The following DPYD variants were observed in gnomAD, a reference collection of about 807,000 sequenced individuals.
DPYD encodes dihydropyrimidine dehydrogenase, also known as dihydropyrimidine dehydrogenase [NADP(+)].
A neutral mutation model predicts 116.2 loss-of-function variants in DPYD; 109 were observed. The ratio of observed to expected loss-of-function variants is 0.94; its 90% CI spans 0.80 to 1.10. The LOEUF (loss-of-function observed/expected upper bound fraction) is 1.10, where lower values mean the gene tolerates loss of function less well. Among genes scored for constraint, DPYD ranks in the 50% least tolerant of loss-of-function variants. The pLI is 0.00. For synonymous variants in DPYD, 440 were observed against 432.0 expected (o/e 1.02, Z -0.23); for missense variants, 1,302 against 1,254.5 (o/e 1.04, Z -0.57).
intron 20 of DPYD, among the ~76,000 whole-genome samples, chr1:97,145,432 A>G (rs1654545163): frequency 6.6e-6 from 1 of 152,144 alleles, no homozygotes; most frequent in Non-Finnish European, 1.5e-5. Flanking sequence ...ATTCATTCCA[A>G]GTTCGTTCCA....
intron 10 of DPYD, among the ~76,000 whole-genome samples, chr1:97,590,272 C>G (rs144982451): frequency 2.5e-4 from 38 of 152,282 alleles, no homozygotes; most frequent in Non-Finnish European, 5.0e-4. Context: ...ATTATTCCAT[C>G]TCTCCAAGAA....
intron 22 of DPYD, 152 bp from the exon 23 acceptor site, chr1:97,079,298 T>C: frequency 1.3e-6 from 1 of 762,380 alleles, no homozygotes; most frequent in Non-Finnish European, 2.3e-6. Context: ...ACAGTTGAGC[T>C]GACAGAGGAG....
At chr1:97,853,292 T>C (rs376455511) in intron 2 of DPYD, among the ~76,000 whole-genome samples, 83 of 152,382 alleles carry the variant, frequency 5.4e-4, no homozygotes, top group African/African-American at 1.9e-3. Context: ...AAATCAATCC[T>C]TCAGAAACTT....
At chr1:97,395,607 G>T (rs1276949823) in intron 14 of DPYD, among the ~76,000 whole-genome samples, 1 of 151,972 alleles carries the variant, frequency 6.6e-6, no homozygotes, top group Non-Finnish European at 1.5e-5. Flanking sequence ...ACCCTCTCGT[G>T]GTAGATTGTT....
intron 12 of DPYD, among the ~76,000 whole-genome samples, chr1:97,538,021 C>A (rs980251444): frequency 6.7e-6 from 1 of 149,628 alleles, no homozygotes; most frequent in East Asian, 2.0e-4. Flanking sequence ...GAGCCAAGAT[C>A]GTGCCATTGC....
At chr1:97,730,230 G>A (rs923043649) in intron 4 of DPYD, among the ~76,000 whole-genome samples, 3 of 151,762 alleles carry the variant, frequency 2.0e-5, no homozygotes, top group Non-Finnish European at 2.9e-5. Flanking sequence ...ACTACTTATC[G>A]TCTTCTTTTT....
intron 2 of DPYD, among the ~76,000 whole-genome samples, chr1:97,861,469 A>T (rs1189503772): frequency 6.6e-6 from 1 of 152,014 alleles, no homozygotes; most frequent in African/African-American, 2.4e-5. Context: ...TCAAAATTTA[A>T]AAAGAGTGAA....
intron 3 of DPYD, among the ~76,000 whole-genome samples, chr1:97,754,325 T>A (rs1557935628): frequency 6.6e-6 from 1 of 152,118 alleles, no homozygotes; most frequent in African/African-American, 2.4e-5. Flanking sequence ...TCAATAAAAT[T>A]AGCTGTCTAC....
intron 20 of DPYD, among the ~76,000 whole-genome samples, chr1:97,130,624 C>T (rs564039522): frequency 2.6e-5 from 4 of 152,194 alleles, no homozygotes; most frequent in African/African-American, 7.2e-5. Context: ...CTAATTCCTA[C>T]CATCTGATCT....
intron 8 of DPYD, among the ~76,000 whole-genome samples, chr1:97,606,233 T>C (rs1359367975): frequency 6.6e-6 from 1 of 152,066 alleles, no homozygotes; most frequent in African/African-American, 2.4e-5. Context: ...CTAAACACCA[T>C]ATTAGGTGAT....
At chr1:97,631,631 A>G (rs1180904449) in intron 8 of DPYD, among the ~76,000 whole-genome samples, 1 of 152,148 alleles carries the variant, frequency 6.6e-6, no homozygotes, top group African/African-American at 2.4e-5. Flanking sequence ...ATATAAAAAT[A>G]TATATGAATT....
rs1389277175 is a variant in DPYD, at chr1:97,721,513, A to C, written c.480T>G (p.Thr160=). The change falls in exon 5 of 23, where the codon ACT becomes ACG. Residue 160 remains threonine, a synonymous_variant. Transcript: ENST00000370192. ...INIGGLQQFA[T]EVFKAMSIPQ... ...GTCACGTGTATATCATACATACCTC[A>C]GTAGCAAATTGCTGCAATCCACCAA... 33 of 1,611,186 alleles carry C rather than the reference A, an allele frequency of 2.0e-5. No homozygotes were observed. The highest frequency in any genetic ancestry group is 2.5e-5 in the Non-Finnish European group (30 of 1,178,022).
chr1:97,345,849 T>C (rs1041615478), intron 16 of DPYD, among the ~76,000 whole-genome samples: 1 of 151,950 alleles, frequency 6.6e-6, no homozygotes, highest in African/African-American at 2.4e-5. Context: ...ACCTGCCTAA[T>C]AGAAGTACAC....
rs17116439 is a variant in DPYD, at chr1:97,123,691, T to C, written c.2623-25059A>G. Among the ~76,000 whole-genome samples, 1,308 of 152,292 alleles carry C rather than the reference T, an allele frequency of 8.6e-3. 24 individuals are homozygous for C. Among genetic ancestry groups the C allele is most frequent in the African/African-American group, 0.03 (1,229 of 41,570 alleles). On this transcript the variant is annotated intron_variant, in intron 20 of 22. Coordinates refer to ENST00000370192, the MANE Select transcript of DPYD (RefSeq NM_000110.4). ...ACATGGACACATATATATGAATGCA[T>C]ATCAACATTTACTTTTGGTTTTAAT...
intron 20 of DPYD, among the ~76,000 whole-genome samples, chr1:97,144,852 T>C (rs749309673): frequency 4.7e-4 from 72 of 152,236 alleles, no homozygotes; most frequent in Non-Finnish European, 9.7e-4. Flanking sequence ...CAAATCACTT[T>C]CTTATGCACA....
intron 8 of DPYD, among the ~76,000 whole-genome samples, chr1:97,620,905 C>T (rs933979856): frequency 6.6e-6 from 1 of 152,088 alleles, no homozygotes. Flanking sequence ...TTAGATAATG[C>T]TTTCATCCTC....
chr1:97,841,896 T>C (rs4414075), intron 2 of DPYD, among the ~76,000 whole-genome samples: 12,666 of 152,008 alleles, frequency 0.083, 597 homozygotes, highest in Middle Eastern at 0.13. Flanking sequence ...TTTCATTCAC[T>C]ACTGTATCTG....
At chr1:97,200,001 T>C (rs1659094153) in intron 19 of DPYD, among the ~76,000 whole-genome samples, 2 of 152,128 alleles carry the variant, frequency 1.3e-5, no homozygotes, top group South Asian at 4.1e-4. Context: ...AGCTATCAAA[T>C]AAAATCTAAA....
At chr1:97,224,493 C>T (rs1660984090) in intron 19 of DPYD, among the ~76,000 whole-genome samples, 1 of 151,840 alleles carries the variant, frequency 6.6e-6, no homozygotes, top group African/African-American at 2.4e-5. Context: ...TTTTACACAG[C>T]AACATTTTTT....
Sources: gnomAD v4.1 joint callset for allele counts (sites outside exome capture counted in the v4.1 genomes callset) on GRCh38, gnomAD v4.1.1 for gene constraint, MANE v1.5 for transcripts, NCBI Gene and HGNC (gene_info 2026-07-23, HGNC 2026-07-21) for gene names.